The following SPATS2L variants were observed in gnomAD, a reference collection of about 807,000 sequenced individuals.
SPATS2L encodes the protein SPATS2-like protein.
A neutral mutation model predicts 59.6 loss-of-function variants in SPATS2L; 30 were observed. The observed-to-expected ratio is 0.50, with a 90% CI of 0.38 to 0.68. The LOEUF is 0.68. Among genes scored for constraint, SPATS2L ranks in the 30% least tolerant of loss-of-function variants. The pLI, the probability that SPATS2L is intolerant of heterozygous loss-of-function variation, is 0.00. For missense variants in SPATS2L, 615 were observed against 700.0 expected (o/e 0.88, Z 1.37); for synonymous variants, 252 against 263.5 (o/e 0.96, Z 0.42).
intron 8 of SPATS2L, among the ~76,000 whole-genome samples, chr2:200,452,642 T>C (rs1226559348): frequency 6.6e-6 from 1 of 152,224 alleles, no homozygotes. Context: ...CAATTGAGTG[T>C]AGTCATTGAT....
chr2:200,335,613 A>C (rs2080117210), intron 2 of SPATS2L, among the ~76,000 whole-genome samples: 1 of 152,196 alleles, frequency 6.6e-6, no homozygotes, highest in Admixed American at 6.6e-5. Context: ...CTTAGTTCAC[A>C]CCTTGTGTTC....
chr2:200,381,017 C>T (rs2081790756), intron 2 of SPATS2L, among the ~76,000 whole-genome samples: 1 of 152,128 alleles, frequency 6.6e-6, no homozygotes, highest in South Asian at 2.1e-4. Context: ...AGACCTGAGT[C>T]ATTACCATGC....
chr2:200,385,073 A>ATCCC (rs1346458906), intron 2 of SPATS2L, among the ~76,000 whole-genome samples: 1 of 152,208 alleles, frequency 6.6e-6, no homozygotes, highest in Non-Finnish European at 1.5e-5. Context: ...GAAGTCAAAG[A>ATCCC]TCCCTGTACC....
At position 200,335,302 on chromosome 2, in the gene SPATS2L, C is replaced by T. The variant is rs1395228028; in HGVS notation, c.-23+5822C>T. 5.3e-5 allele frequency among the ~76,000 whole-genome samples: 8 copies of T among 151,540 alleles called. 1 individual carries two copies. The highest frequency in any genetic ancestry group is 1.0e-4 in the Non-Finnish European group (7 of 67,950). On this transcript the variant is annotated intron_variant, in intron 2 of 12. Coordinates refer to ENST00000409140, the MANE Select transcript of SPATS2L (RefSeq NM_001100423.2). ...CTGAGGCGGGAGAATGGTGTGAACC[C>T]GGGAGGCAGAGCTTGCAGTGAGCCG...
rs577825275 is a variant in SPATS2L, at chr2:200,455,506, G to C, written c.789-4263G>C. Reference sequence around the variant, plus strand: ...AAGGCACTGGCACTCTACCTAATGTGCCTGGCCCACCATCTGCACTCAGAA... The same window carrying C: ...AAGGCACTGGCACTCTACCTAATGTCCCTGGCCCACCATCTGCACTCAGAA... On this transcript the variant is annotated intron_variant, in intron 8 of 12. Coordinates refer to ENST00000409140, the MANE Select transcript of SPATS2L (RefSeq NM_001100423.2). Among the ~76,000 whole-genome samples, 9 of 152,288 alleles carry C rather than the reference G, an allele frequency of 5.9e-5. No homozygotes were observed. In the Middle Eastern group the frequency reaches 0.01, roughly 173 times the overall value.
At chr2:200,457,955 C>T (rs193156264) in intron 8 of SPATS2L, among the ~76,000 whole-genome samples, 28 of 152,262 alleles carry the variant, frequency 1.8e-4, no homozygotes, top group Middle Eastern at 3.4e-3. Context: ...ATGGAACAAT[C>T]TGAGAGTAAT....
At chr2:200,374,611 C>G (rs1402764004) in intron 2 of SPATS2L, among the ~76,000 whole-genome samples, 1 of 151,768 alleles carries the variant, frequency 6.6e-6, no homozygotes, top group Non-Finnish European at 1.5e-5. Flanking sequence ...TAGTGTCTGG[C>G]CCAGGAGGAG....
At chr2:200,354,271 A>G (rs551287863) in intron 2 of SPATS2L, among the ~76,000 whole-genome samples, 1 of 152,292 alleles carries the variant, frequency 6.6e-6, no homozygotes, top group Admixed American at 6.5e-5. Context: ...GTGATCCTAG[A>G]AGTGGAGCCA....
intron 6 of SPATS2L, among the ~76,000 whole-genome samples, chr2:200,420,505 C>A (rs2083265054): frequency 6.6e-6 from 1 of 152,144 alleles, no homozygotes; most frequent in Non-Finnish European, 1.5e-5. Flanking sequence ...ACAGTAAGAG[C>A]TCAATACGTA....
chr2:200,437,460 A>C (rs2084377771), intron 6 of SPATS2L, among the ~76,000 whole-genome samples: 1 of 152,146 alleles, frequency 6.6e-6, no homozygotes, highest in Non-Finnish European at 1.5e-5. Context: ...ATCTCTAGAA[A>C]TGGTGTTCGG....
chr2:200,350,010 C>T (rs970025099), intron 2 of SPATS2L, among the ~76,000 whole-genome samples: 1 of 152,164 alleles, frequency 6.6e-6, no homozygotes, highest in Non-Finnish European at 1.5e-5. Context: ...AGAGAGACTT[C>T]CTCCTAGGCC....
At chr2:200,392,385 C>T (rs1288918809) in intron 3 of SPATS2L, among the ~76,000 whole-genome samples, 2 of 152,132 alleles carry the variant, frequency 1.3e-5, no homozygotes, top group Non-Finnish European at 2.9e-5. Context: ...CCAGAGAGGG[C>T]ATGTTAGCTT....
At chr2:200,439,068 C>T (rs1419687657) in intron 6 of SPATS2L, 54 bp from the exon 7 acceptor site, 22 of 1,479,208 alleles carry the variant, frequency 1.5e-5, no homozygotes, top group Middle Eastern at 1.7e-4. Context: ...ATCACTTTAT[C>T]GTCAGTGTTT....
intron 1 of SPATS2L, among the ~76,000 whole-genome samples, chr2:200,308,481 A>G (rs2079097500): frequency 6.6e-6 from 1 of 152,220 alleles, no homozygotes. Flanking sequence ...GACAAGGCAA[A>G]TACTGCAGTT....
intron 3 of SPATS2L, among the ~76,000 whole-genome samples, chr2:200,396,244 C>T (rs969767038): frequency 5.3e-5 from 8 of 151,598 alleles, no homozygotes; most frequent in Admixed American, 5.3e-4. Context: ...ATAATGTCAT[C>T]GCTGAGCTGC....
rs186149677 is a variant in SPATS2L at position 200,339,812 on chromosome 2, G to A, written c.-23+10332G>A. On this transcript the variant is annotated intron_variant, in intron 2 of 12. Coordinates refer to ENST00000409140, the MANE Select transcript of SPATS2L (RefSeq NM_001100423.2). ...TAAAGTGCAATACAAATGTAATTAT[G>A]TTACTGCTATTTTTAACGTTTGTGG... 4.5e-4 allele frequency among the ~76,000 whole-genome samples: 68 copies of A among 152,266 alleles called. No homozygotes were observed. The East Asian group carries it at 0.01, about 23-fold the overall frequency.
At chr2:200,374,184 C>T (rs1048696000) in intron 2 of SPATS2L, among the ~76,000 whole-genome samples, 2 of 152,176 alleles carry the variant, frequency 1.3e-5, no homozygotes, top group East Asian at 3.8e-4. Context: ...AGAGACAAAT[C>T]GTGGCCTCCC....
At chr2:200,370,080 C>T (rs2081382520) in intron 2 of SPATS2L, among the ~76,000 whole-genome samples, 1 of 152,198 alleles carries the variant, frequency 6.6e-6, no homozygotes, top group African/African-American at 2.4e-5. Flanking sequence ...GCATCACATG[C>T]CTTGCTCACC....
intron 12 of SPATS2L, among the ~76,000 whole-genome samples, chr2:200,473,527 G>A (rs1261344203): frequency 6.6e-6 from 1 of 152,190 alleles, no homozygotes; most frequent in African/African-American, 2.4e-5. Flanking sequence ...AGTTAGTGCA[G>A]TCTTCTCTTC....
Sources: gnomAD v4.1 joint callset for allele counts (sites outside exome capture counted in the v4.1 genomes callset) on GRCh38, gnomAD v4.1.1 for gene constraint, MANE v1.5 for transcripts, NCBI Gene and HGNC (gene_info 2026-07-23, HGNC 2026-07-21) for gene names.